Variants in APC observed in about 807,000 individuals in gnomAD.
APC encodes the protein APC regulator of Wnt signaling pathway, also known as adenomatous polyposis coli protein.
Under a neutral mutation model 247.0 loss-of-function variants are expected in APC, and 72 were observed. The observed-to-expected ratio is 0.29, with a 90% CI of 0.24 to 0.35. APC has a LOEUF of 0.35. Ranked by LOEUF, APC falls within the 10% of genes least tolerant of loss-of-function variation. The probability of loss-of-function intolerance (pLI) is 1.00; values close to 1 mark genes in which losing one functional copy is unlikely to be tolerated. For missense variants in APC, 3,400 were observed against 3,360.7 expected (o/e 1.01, Z -0.29); for synonymous variants, 1,254 against 1,162.5 (o/e 1.08, Z -1.60).
rs62364013 is a variant in APC, at chr5:112,765,170, C to T, written c.136-1156C>T. On this transcript the variant is annotated intron_variant, in intron 2 of 15. Coordinates refer to ENST00000257430, the MANE Select transcript of APC (RefSeq NM_000038.6). ...CCCAGGCTGGAGTGCAGTGGTGAGACTGTGGCTCACTGCAGCCTCAAACTT... is the reference window on the plus strand; with the variant it reads ...CCCAGGCTGGAGTGCAGTGGTGAGATTGTGGCTCACTGCAGCCTCAAACTT... 1.1e-4 allele frequency among the ~76,000 whole-genome samples: 17 copies of T among 152,262 alleles called. 1 individual carries two copies. In the South Asian group the frequency reaches 3.3e-3, roughly 30 times the overall value.
chr5:112,775,833 A>T (rs1173626210), intron 5 of APC, 96 bp downstream of exon 5: 1 of 700,908 alleles, frequency 1.4e-6, no homozygotes, highest in Non-Finnish European at 2.4e-6. Context: ...AACTGAATTT[A>T]TAGTTATTTG....
At position 112,754,872 on chromosome 5, in the gene APC, G is replaced by A. The variant is rs2149736947; in HGVS notation, c.-18-1G>A. 1 of 1,613,274 alleles carries A rather than the reference G, an allele frequency of 6.2e-7. No homozygotes were observed. Among genetic ancestry groups the A allele is most frequent in the Non-Finnish European group, 8.5e-7 (1 of 1,179,496 alleles). ...TTTCAAAATCCTTTTTAACCTTATAGGTCCAAGGGTAGCCAAGGATGGCTG... is the reference window on the plus strand; with the variant it reads ...TTTCAAAATCCTTTTTAACCTTATAAGTCCAAGGGTAGCCAAGGATGGCTG... On this transcript the variant is annotated splice_acceptor_variant, in intron 1 of 15. Transcript: ENST00000257430. LOFTEE classifies it low-confidence loss of function (5UTR_SPLICE).
intron 2 of APC, among the ~76,000 whole-genome samples, chr5:112,762,718 C>T (rs1246649525): frequency 1.3e-5 from 2 of 152,036 alleles, no homozygotes; most frequent in Non-Finnish European, 2.9e-5. Context: ...TTGAGGGAAC[C>T]CTCTGGGGTG....
chr5:112,768,763 G>A (rs895158024), intron 4 of APC, among the ~76,000 whole-genome samples: 2 of 151,542 alleles, frequency 1.3e-5, no homozygotes, highest in African/African-American at 4.9e-5. Context: ...ACACAGTCCT[G>A]TACAGTAGCG....
Position 112,838,172 on chromosome 5 carries a change from C to T in APC, c.2578C>T (p.Leu860=), listed in dbSNP as rs1422929581. ...RSLERERGIG[L]GNYHPATENP... ...TTTGGAGAGAGAACGCGGAATTGGTCTAGGCAACTACCATCCAGCAACAGA... is the reference window on the plus strand; with the variant it reads ...TTTGGAGAGAGAACGCGGAATTGGTTTAGGCAACTACCATCCAGCAACAGA... Residue 860 remains leucine, a synonymous_variant, in exon 16 of 16, where the codon CTA becomes TTA. Transcript: ENST00000257430. 1 of 1,614,050 alleles carries T rather than the reference C, an allele frequency of 6.2e-7. No individual in the cohort carries two copies. The highest frequency in any genetic ancestry group is 8.5e-7 in the Non-Finnish European group (1 of 1,180,034).
In APC at chr5:112,837,898, C is replaced by G; in HGVS notation, c.2304C>G (p.His768Gln). The change falls in exon 16 of 16, where the codon CAC becomes CAG. Residue 768 changes from histidine (H) to glutamine (Q), a missense_variant. By Grantham distance (24) the His-to-Gln change is conservative (BLOSUM62 0). Transcript: ENST00000257430. ...TAGAAGCAGAATTAGATGCTCAGCA[C>G]TTATCAGAAACTTTTGACAATATAG... ...KALEAELDAQ[H>Q]LSETFDNIDN... is the part of the protein sequence containing the mutation. The G allele has an allele frequency of 6.2e-7, 1 of 1,614,106 alleles. No homozygotes were observed. Among genetic ancestry groups the G allele is most frequent in the Non-Finnish European group, 8.5e-7 (1 of 1,180,024 alleles).
At chr5:112,832,445 G>A (rs1262834867) in intron 14 of APC, among the ~76,000 whole-genome samples, 1 of 152,152 alleles carries the variant, frequency 6.6e-6, no homozygotes, top group East Asian at 1.9e-4. Context: ...GACAAATTAT[G>A]TCTAAACCTG....
intron 5 of APC, 142 bp downstream of exon 5, chr5:112,775,879 AATATATAATAGTTAAT>A: frequency 1.9e-6 from 1 of 529,254 alleles, no homozygotes; most frequent in Non-Finnish European, 3.4e-6. Context: ...TTTAGGCCTG[AATATATAATAGTTAAT>A]GAATTTTTGT....
chr5:112,713,055 C>T (rs946228945), intron 1 of APC, among the ~76,000 whole-genome samples: 1 of 151,748 alleles, frequency 6.6e-6, no homozygotes, highest in Non-Finnish European at 1.5e-5. Context: ...CCTGTAATCC[C>T]CACTACTCAG....
At chr5:112,756,145 T>C (rs917449189) in intron 2 of APC, among the ~76,000 whole-genome samples, 1 of 152,240 alleles carries the variant, frequency 6.6e-6, no homozygotes, top group African/African-American at 2.4e-5. Flanking sequence ...TCCAGACTTT[T>C]GTGTGTCACT....
intron 9 of APC, among the ~76,000 whole-genome samples, chr5:112,817,925 T>C (rs1580522566): frequency 6.6e-6 from 1 of 152,342 alleles, no homozygotes; most frequent in East Asian, 1.9e-4. Context: ...TATACTGCCT[T>C]CCTAAAACTT....
rs2149813578 is a variant in APC, at chr5:112,827,964, A to C, written c.1584A>C (p.Ala528=). 1.9e-6 allele frequency: 3 copies of C among 1,613,360 alleles called. No individual in the cohort carries two copies. Among genetic ancestry groups the C allele is most frequent in the Non-Finnish European group, 2.5e-6 (3 of 1,179,940 alleles). ...TLCSMKGCMR[A]LVAQLKSESE... ...GCTCTATGAAAGGCTGCATGAGAGC[A>C]CTTGTGGCCCAACTAAAATCTGAAA... Residue 528 remains alanine (A), a synonymous_variant, in exon 13 of 16, where the codon GCA becomes GCC. Coordinates refer to ENST00000257430, the MANE Select transcript of APC (RefSeq NM_000038.6).
chr5:112,775,887 ATAGT>A, intron 5 of APC, 150 bp downstream of exon 5: 2 of 469,602 alleles, frequency 4.3e-6, no homozygotes, highest in Non-Finnish European at 7.7e-6. Flanking sequence ...TGAATATATA[ATAGT>A]TAATGAATTT....
At chr5:112,836,210 T>C (rs1036564408) in intron 15 of APC, among the ~76,000 whole-genome samples, 22 of 136,554 alleles carry the variant, frequency 1.6e-4, no homozygotes, top group Admixed American at 4.7e-4. Context: ...TTTATATTTT[T>C]AGTAGAGACG....
intron 6 of APC, among the ~76,000 whole-genome samples, chr5:112,788,229 T>C (rs1410408449): frequency 1.3e-5 from 2 of 152,190 alleles, no homozygotes; most frequent in Non-Finnish European, 2.9e-5. Flanking sequence ...GGGTGAATCG[T>C]TCTTTGTTTT....
At chr5:112,725,060 C>G (rs867640666) in intron 1 of APC, among the ~76,000 whole-genome samples, 1 of 152,064 alleles carries the variant, frequency 6.6e-6, no homozygotes, top group Admixed American at 6.5e-5. Flanking sequence ...CTTGGCTCAC[C>G]GCAACCTCTG....
In APC at chr5:112,835,173, TAG is replaced by T. The variant is rs1554083267; in HGVS notation, c.1958+11_1958+12del. ...TACAAATGAGGACCACAGGTATATA[TAG>T]AGTTTTATATTACTTTTAAAGTACA... On this transcript the variant is annotated intron_variant, in intron 15 of 15. Coordinates refer to ENST00000257430, the MANE Select transcript of APC (RefSeq NM_000038.6). 3 of 1,602,486 alleles carry T rather than the reference TAG, an allele frequency of 1.9e-6. No homozygotes were observed. Among genetic ancestry groups the T allele is most frequent in the Non-Finnish European group, 2.6e-6 (3 of 1,171,434 alleles).
intron 1 of APC, among the ~76,000 whole-genome samples, chr5:112,727,279 T>G (rs755490484): frequency 3.5e-4 from 53 of 152,130 alleles, no homozygotes; most frequent in Non-Finnish European, 5.4e-4. Context: ...GTCTATACTT[T>G]TAAAAAATTC....
At chr5:112,835,442 A>T (rs1764785891) in intron 15 of APC, among the ~76,000 whole-genome samples, 1 of 152,160 alleles carries the variant, frequency 6.6e-6, no homozygotes, top group African/African-American at 2.4e-5. Context: ...TAACAAAATA[A>T]TCCATTTCTA....
Sources: gnomAD v4.1 joint callset for allele counts (sites outside exome capture counted in the v4.1 genomes callset) on GRCh38, gnomAD v4.1.1 for gene constraint, MANE v1.5 for transcripts, NCBI Gene and HGNC (gene_info 2026-07-23, HGNC 2026-07-21) for gene names.